The following KEL variants were observed in gnomAD, a reference collection of about 807,000 sequenced individuals.
The protein encoded by KEL is Kell metallo-endopeptidase (Kell blood group), also known as kell blood group glycoprotein.
In KEL, 96 loss-of-function variants were observed where a neutral mutation model predicts 99.5. The observed-to-expected ratio is 0.97, with a 90% CI of 0.82 to 1.14. The LOEUF is 1.14. Among genes scored for constraint, KEL ranks in the 50% most tolerant of loss-of-function variants. KEL has a pLI of 0.00. For missense variants in KEL, 926 were observed against 924.2 expected (o/e 1.00, Z -0.03); for synonymous variants, 355 against 354.8 (o/e 1.00, Z -0.01).
intron 10 of KEL, among the ~76,000 whole-genome samples, chr7:142,949,696 G>A (rs1485995506): frequency 6.6e-6 from 1 of 152,160 alleles, no homozygotes; most frequent in African/African-American, 2.4e-5. Flanking sequence ...TCAATAACCT[G>A]ACCCGATGCC....
chr7:142,944,043 C>T (rs1276393538), intron 13 of KEL, among the ~76,000 whole-genome samples, 160 bp from the exon 14 acceptor site: 1 of 152,184 alleles, frequency 6.6e-6, no homozygotes, highest in Non-Finnish European at 1.5e-5. Context: ...ACACAGCACA[C>T]CCAGGCTTTA....
In KEL at chr7:142,958,522, A is replaced by G. The variant is rs959371094; in HGVS notation, c.401-94T>C. ...AGGGGTCTGGGGAGTCATGCCCTAT[A>G]TCATAAGTTCTCATCAGATGGGTTT... is the stretch of plus-strand genomic sequence containing the variant. On this transcript the variant is annotated intron_variant, in intron 4 of 18. Coordinates refer to ENST00000355265, the MANE Select transcript of KEL (RefSeq NM_000420.3). 2.0e-5 allele frequency: 24 copies of G among 1,183,586 alleles called. No individual in the cohort carries two copies. The Admixed American group carries it at 4.1e-4, about 20-fold the overall frequency. 73.3% of individuals were successfully genotyped at this position (1,183,586 alleles called of 1,614,324 possible). A position where few individuals can be genotyped will look rare whatever the true frequency, so the allele number is the denominator to read the frequency against.
Position 142,942,916 on chromosome 7 carries a change from C to G in KEL, c.1900G>C (p.Glu634Gln). Reference sequence around the variant, plus strand: ...AGCCCCCCAACGTCTGCAGCATTCTCTAAGAATGTGAGGGAGTCATTGAAG... The same window carrying G: ...AGCCCCCCAACGTCTGCAGCATTCTGTAAGAATGTGAGGGAGTCATTGAAG... ...TSFNDSLTFL[E>Q]NAADVGGLAI... The change falls in exon 17 of 19, where the codon GAG (glutamate) becomes CAG (glutamine). Residue 634 changes from glutamate to glutamine, a missense_variant. Physicochemically the swap from Glu to Gln is conservative, Grantham distance 29 (BLOSUM62 2). Coordinates refer to ENST00000355265, the MANE Select transcript of KEL (RefSeq NM_000420.3). 6.2e-7 allele frequency: 1 copy of G among 1,614,186 alleles called. No homozygotes were observed.
intron 10 of KEL, among the ~76,000 whole-genome samples, chr7:142,947,360 G>A (rs1320069717): frequency 2.6e-5 from 4 of 152,142 alleles, no homozygotes; most frequent in African/African-American, 9.7e-5. Flanking sequence ...GAGCTAGGCT[G>A]GTCCTGGGAA....
At chr7:142,959,991 T>C (rs752664744) in intron 4 of KEL, among the ~76,000 whole-genome samples, 2 of 152,166 alleles carry the variant, frequency 1.3e-5, no homozygotes, top group Non-Finnish European at 2.9e-5. Context: ...CTATCTTATA[T>C]GTTCTTATTC....
At chr7:142,943,371 C>A in intron 15 of KEL, 28 bp from the exon 16 acceptor site, 2 of 1,613,684 alleles carry the variant, frequency 1.2e-6, no homozygotes, top group Non-Finnish European at 1.7e-6. Context: ...TATTTGACCC[C>A]CAGAATCTCT....
At chr7:142,942,265 G>A in intron 18 of KEL, 169 bp downstream of exon 18, 3 of 635,052 alleles carry the variant, frequency 4.7e-6, no homozygotes, top group Non-Finnish European at 8.6e-6. Flanking sequence ...CATCTGAGGG[G>A]TGATTCCAAG....
chr7:142,950,301 C>G (rs1026621807), intron 10 of KEL, among the ~76,000 whole-genome samples: 1 of 152,222 alleles, frequency 6.6e-6, no homozygotes, highest in Non-Finnish European at 1.5e-5. Context: ...GATTCCCTCC[C>G]CACTATTGTC....
At chr7:142,942,072 G>A (rs1474579928) in intron 18 of KEL, 1 of 298,116 alleles carries the variant, frequency 3.4e-6, no homozygotes. Flanking sequence ...GCCTCCTAGA[G>A]TGCCAGGATT....
intron 5 of KEL, 37 bp from the exon 6 acceptor site, chr7:142,958,010 C>T (rs8175977): frequency 0.03 from 47,668 of 1,604,676 alleles, 2,477 homozygotes; most frequent in African/African-American, 0.24. Flanking sequence ...CATAAGGATC[C>T]GTGGAGCCCA....
intron 6 of KEL, 26 bp downstream of exon 6, chr7:142,957,801 T>C: frequency 1.9e-6 from 3 of 1,613,656 alleles, no homozygotes; most frequent in Non-Finnish European, 2.5e-6. Flanking sequence ...CAGGTCCAAC[T>C]GTGTCTTCGC....
chr7:142,944,273 G>T, intron 13 of KEL, 50 bp downstream of exon 13: 1 of 1,404,102 alleles, frequency 7.1e-7, no homozygotes, highest in Non-Finnish European at 1.0e-6. Flanking sequence ...GGTCAGAGAA[G>T]TGACGAGAAG....
In KEL at chr7:142,953,818, G is replaced by A. The variant is rs1185368867; in HGVS notation, c.1063C>T (p.Leu355=). 3.1e-6 allele frequency: 5 copies of A among 1,614,124 alleles called. No homozygotes were observed. The highest frequency in any genetic ancestry group is 4.2e-6 in the Non-Finnish European group (5 of 1,180,028). Residue 355 remains leucine, a synonymous_variant, in exon 9 of 19, where the codon CTA becomes TTA. Transcript: ENST00000355265. The stretch of plus-strand genomic sequence containing the variant: ...CCACCTGCGGCGAACCTCTGCTTTA[G>A]CAGCATCTCCTCCACCAGTTGTGAC... ...NMSQLVEEML[L]KQRDFLQSHM...
In KEL at chr7:142,946,276, GC is replaced by G. The variant is rs1458881406; in HGVS notation, c.1244del (p.Gly415AlafsTer26). ...PRWMKCVEETGTFFEPTLAAL... is the reference protein window; with the variant it reads ...PRWMKCVEETXTFFEPTLAAL... Reference sequence around the variant, plus strand: ...CCGCCAGCGTGGGCTCGAAGAACGTGCCTGTCTCCTCCACGCACTTCATCCA... The same window carrying G: ...CCGCCAGCGTGGGCTCGAAGAACGTGCTGTCTCCTCCACGCACTTCATCCA... On this transcript the variant is annotated frameshift_variant, in exon 11 of 19. Transcript: ENST00000355265. LOFTEE classifies it high-confidence loss of function. 2 of 1,614,120 alleles carry G rather than the reference GC, an allele frequency of 1.2e-6. No homozygotes were observed. Among genetic ancestry groups the G allele is most frequent in the South Asian group, 2.2e-5 (2 of 91,072 alleles).
intron 18 of KEL, chr7:142,942,215 G>A: frequency 1.7e-6 from 1 of 586,202 alleles, no homozygotes; most frequent in Non-Finnish European, 3.0e-6. Context: ...TCTACCTTTT[G>A]AGTTGTGGGG....
At position 142,954,310 on chromosome 7, in the gene KEL, G is replaced by A; in HGVS notation, c.798C>T (p.Ser266=). ...QLGTLLGGDP[S]KVQEHSSLSI... ...ACAAGGAAGAGTGTTCTTGCACCTT[G>A]CTTGGGTCTCCTCCCAGCAAGGTTC... is the stretch of plus-strand genomic sequence containing the variant. The change falls in exon 8 of 19, where the codon AGC becomes AGT. Residue 266 remains serine (S), a synonymous_variant. Coordinates refer to ENST00000355265, the MANE Select transcript of KEL (RefSeq NM_000420.3). 1.9e-6 allele frequency: 3 copies of A among 1,614,066 alleles called. No homozygotes were observed. The highest frequency in any genetic ancestry group is 1.1e-5 in the South Asian group (1 of 91,070).
At chr7:142,961,164 G>C in intron 3 of KEL, 60 bp from the exon 4 acceptor site, 1 of 1,592,178 alleles carries the variant, frequency 6.3e-7, no homozygotes, top group African/African-American at 1.3e-5. Flanking sequence ...CTCCCCCAAG[G>C]GGCTAGGCAA....
chr7:142,961,595 A>G, intron 2 of KEL, 94 bp from the exon 3 acceptor site: 3 of 1,435,082 alleles, frequency 2.1e-6, no homozygotes, highest in Non-Finnish European at 2.9e-6. Flanking sequence ...TTGGTGCTAC[A>G]GTCCCTTTAT....
intron 9 of KEL, chr7:142,953,378 C>G: frequency 1.0e-6 from 1 of 985,126 alleles, no homozygotes; most frequent in Non-Finnish European, 1.2e-6. Flanking sequence ...GCATCCCCAG[C>G]CTTCACCATG....
Sources: allele counts gnomAD v4.1 joint callset (sites outside exome capture counted in the v4.1 genomes callset), GRCh38; gene constraint gnomAD v4.1.1; transcripts MANE v1.5; gene names NCBI Gene and HGNC (gene_info 2026-07-23, HGNC 2026-07-21).